The following ANAPC10 variants were observed in gnomAD, a reference collection of about 807,000 sequenced individuals.
ANAPC10 encodes anaphase promoting complex subunit 10.
ANAPC10 carries 12 observed loss-of-function variants against 22.0 expected under a neutral mutation model. The ratio of observed to expected loss-of-function variants is 0.55; its 90% CI spans 0.35 to 0.88. The LOEUF is 0.88. Among genes scored for constraint, ANAPC10 ranks in the 40% least tolerant of loss-of-function variants. The pLI is 0.01. For missense variants in ANAPC10, 188 were observed against 220.9 expected, an observed-to-expected ratio of 0.85 and a Z score of 0.94; for synonymous variants, 65 against 69.5, an observed-to-expected ratio of 0.94 and a Z score of 0.32.
chr4:145,043,365 T>A (rs1329693368), intron 4 of ANAPC10, among the ~76,000 whole-genome samples: 1 of 152,140 alleles, frequency 6.6e-6, no homozygotes, highest in African/African-American at 2.4e-5. Context: ...TTCTAATTAA[T>A]CCTTTTTTTG....
At chr4:145,003,368 G>C (rs564360033) in intron 4 of ANAPC10, among the ~76,000 whole-genome samples, 9 of 152,294 alleles carry the variant, frequency 5.9e-5, no homozygotes, top group South Asian at 2.1e-4. Flanking sequence ...ATGGTAGAAC[G>C]ATTTATATTC....
At chr4:145,060,663 AG>A (rs775029438) in intron 4 of ANAPC10, among the ~76,000 whole-genome samples, 49 of 152,184 alleles carry the variant, frequency 3.2e-4, no homozygotes, top group Admixed American at 1.0e-3. Flanking sequence ...AAAATAAAAA[AG>A]ATTTAGGTGG....
At chr4:145,026,945 A>ATATATATATGTGTGTGTG (rs1287102797) in intron 4 of ANAPC10, among the ~76,000 whole-genome samples, 1 of 17,156 alleles carries the variant, frequency 5.8e-5, no homozygotes, top group Non-Finnish European at 1.2e-4. Context: ...ATATATATAT[A>ATATATATATGTGTGTGTG]TGTGTGTGTG....
At chr4:145,081,460 G>A in intron 3 of ANAPC10, 200 bp downstream of exon 3, 1 of 425,962 alleles carries the variant, frequency 2.3e-6, no homozygotes, top group South Asian at 4.4e-5. Flanking sequence ...CATACCATAA[G>A]AAAATTCATA....
At chr4:145,096,320 G>A (rs150701988) in intron 1 of ANAPC10, among the ~76,000 whole-genome samples, 183 of 152,260 alleles carry the variant, frequency 1.2e-3, no homozygotes, top group African/African-American at 3.9e-3. Context: ...CACTTTGGGA[G>A]GCTGAGACAG....
chr4:145,009,468 A>G (rs2126909380), intron 4 of ANAPC10, among the ~76,000 whole-genome samples: 1 of 152,284 alleles, frequency 6.6e-6, no homozygotes, highest in South Asian at 2.1e-4. Context: ...TGGTACCAAA[A>G]CAGAGATGTA....
upstream of ANAPC10, chr4:145,098,304 G>T (rs1318496307): frequency 6.6e-6 from 1 of 152,450 alleles, no homozygotes; most frequent in East Asian, 1.9e-4. Context: ...GCGTGCGGCG[G>T]CTGGGCACCG....
chr4:145,093,698 T>G (rs925854557), intron 2 of ANAPC10, among the ~76,000 whole-genome samples: 1 of 152,088 alleles, frequency 6.6e-6, no homozygotes, highest in African/African-American at 2.4e-5. Context: ...GATGAAAAAT[T>G]TCTTAGGCAG....
chr4:145,042,522 T>C (rs1288346949), intron 4 of ANAPC10, among the ~76,000 whole-genome samples: 5 of 152,172 alleles, frequency 3.3e-5, no homozygotes, highest in African/African-American at 7.2e-5. Context: ...TTCAATACTT[T>C]CTAATTTCAT....
intron 4 of ANAPC10, 35 bp downstream of exon 4, chr4:145,064,537 A>C: frequency 1.3e-6 from 2 of 1,554,816 alleles, no homozygotes; most frequent in Non-Finnish European, 1.8e-6. Context: ...TAAAAGTTAA[A>C]GGATGACATA....
intron 4 of ANAPC10, among the ~76,000 whole-genome samples, chr4:145,027,026 CAG>C (rs1736865714): frequency 1.6e-5 from 1 of 63,886 alleles, no homozygotes; most frequent in South Asian, 6.7e-4. Flanking sequence ...TTTTTTGAGA[CAG>C]AGTCTTACTC....
At chr4:145,008,536 G>T (rs569279174) in intron 4 of ANAPC10, among the ~76,000 whole-genome samples, 1 of 152,242 alleles carries the variant, frequency 6.6e-6, no homozygotes, top group South Asian at 2.1e-4. Context: ...TTCAACATAT[G>T]CAAATCAATA....
intron 4 of ANAPC10, among the ~76,000 whole-genome samples, chr4:145,008,708 T>C (rs1733815023): frequency 6.6e-6 from 1 of 152,190 alleles, no homozygotes; most frequent in Non-Finnish European, 1.5e-5. Flanking sequence ...AAGAGCTATT[T>C]ATGACAAACC....
At chr4:145,028,583 C>T (rs1386445733) in intron 4 of ANAPC10, among the ~76,000 whole-genome samples, 1 of 152,090 alleles carries the variant, frequency 6.6e-6, no homozygotes, top group East Asian at 1.9e-4. Context: ...GGGGTTGTTT[C>T]ATTGGTTTTG....
chr4:145,054,396 A>T (rs558165508), intron 4 of ANAPC10, among the ~76,000 whole-genome samples: 6 of 150,688 alleles, frequency 4.0e-5, no homozygotes, highest in East Asian at 4.0e-4. Context: ...CTAAAAAAAA[A>T]ATATACAAAA....
At chr4:145,095,132 G>A (rs888426716) in intron 2 of ANAPC10, among the ~76,000 whole-genome samples, 34 of 152,222 alleles carry the variant, frequency 2.2e-4, no homozygotes, top group Admixed American at 3.3e-4. Flanking sequence ...CAGTGCATTA[G>A]AATTAAAATA....
intron 4 of ANAPC10, among the ~76,000 whole-genome samples, chr4:145,003,298 T>G (rs1361924437): frequency 6.6e-6 from 1 of 152,176 alleles, no homozygotes; most frequent in African/African-American, 2.4e-5. Flanking sequence ...TGATGGGCTT[T>G]TAGGTTGATT....
At chr4:145,010,399 A>G (rs1180331777) in intron 4 of ANAPC10, among the ~76,000 whole-genome samples, 3 of 152,184 alleles carry the variant, frequency 2.0e-5, no homozygotes, top group East Asian at 3.8e-4. Context: ...CACTATTCAC[A>G]ATAGCAAAGA....
chr4:145,090,324 G>T (rs1181123273), intron 2 of ANAPC10, among the ~76,000 whole-genome samples: 2 of 152,046 alleles, frequency 1.3e-5, no homozygotes, highest in East Asian at 1.9e-4. Flanking sequence ...TTTTTTGTGG[G>T]TTTTTTCCAA....
Sources: allele counts gnomAD v4.1 joint callset (sites outside exome capture counted in the v4.1 genomes callset), GRCh38; gene constraint gnomAD v4.1.1; transcripts MANE v1.5; gene names NCBI Gene and HGNC (gene_info 2026-07-23, HGNC 2026-07-21).